The following PDK1 variants were observed in gnomAD, a reference collection of about 807,000 sequenced individuals.
PDK1 encodes the protein pyruvate dehydrogenase kinase 1.
In PDK1, 39 loss-of-function variants were observed where a neutral mutation model predicts 54.2. The observed-to-expected ratio is 0.72, with a 90% CI of 0.56 to 0.94. The LOEUF (loss-of-function observed/expected upper bound fraction) is 0.94, where lower values mean the gene tolerates loss of function less well. PDK1 is among the 40% of genes least tolerant of loss of function. The probability of loss-of-function intolerance (pLI) is 0.00; values close to 1 mark genes in which losing one functional copy is unlikely to be tolerated. For missense variants in PDK1, 552 were observed against 566.0 expected (o/e 0.98, Z 0.25); for synonymous variants, 221 against 207.1 (o/e 1.07, Z -0.58).
At chr2:172,585,402 T>C (rs1690168858) in intron 8 of PDK1, among the ~76,000 whole-genome samples, 1 of 144,356 alleles carries the variant, frequency 6.9e-6, no homozygotes, top group Non-Finnish European at 1.5e-5. Flanking sequence ...CTTGGCTCAC[T>C]GTGACCTCCA....
At chr2:172,641,003 TTTC>T in the PDK1 span, among the ~76,000 whole-genome samples, 1 of 20,508 alleles carries the variant, frequency 4.9e-5, no homozygotes, top group African/African-American at 6.1e-5. Flanking sequence ...TTCTTTTTCT[TTTC>T]TTTCTTTCTT....
the PDK1 span, among the ~76,000 whole-genome samples, chr2:172,640,458 G>A: frequency 1.3e-5 from 2 of 152,136 alleles, no homozygotes; most frequent in African/African-American, 2.4e-5. Flanking sequence ...AAGGCAAATG[G>A]CTACACAGAA....
chr2:172,595,029 C>T (rs867332599), intron 10 of PDK1, among the ~76,000 whole-genome samples: 1 of 152,140 alleles, frequency 6.6e-6, no homozygotes, highest in Non-Finnish European at 1.5e-5. Flanking sequence ...ATGCCTTAGA[C>T]ATAGATTTCT....
chr2:172,566,974 G>T, intron 6 of PDK1, 41 bp downstream of exon 6: 1 of 1,289,406 alleles, frequency 7.8e-7, no homozygotes, highest in South Asian at 1.2e-5. Flanking sequence ...TTAGTGCTTT[G>T]ATTACTTGAT....
chr2:172,718,271 G>T, the PDK1 span, among the ~76,000 whole-genome samples: 1 of 152,190 alleles, frequency 6.6e-6, no homozygotes, highest in Non-Finnish European at 1.5e-5. Context: ...AAATAATGAA[G>T]CTAGTGAAAT....
chr2:172,565,057 A>C lies in PDK1; in HGVS notation c.675A>C (p.Val225=). 1.3e-6 allele frequency: 2 copies of C among 1,583,806 alleles called. No individual in the cohort carries two copies. Among genetic ancestry groups the C allele is most frequent in the African/African-American group, 1.3e-5 (1 of 74,498 alleles). ...HIGSINPNCN[V]LEVIKDGYEN... The stretch of plus-strand genomic sequence containing the variant: ...GAAGCATAAATCCAAACTGCAATGT[A>C]CTTGAAGTTATTAAAGGTAAATACT... Residue 225 remains valine, a synonymous_variant, in exon 5 of 11, where the codon GTA becomes GTC. Transcript: ENST00000282077.
At chr2:172,563,248 C>T (rs1270475654) in intron 3 of PDK1, among the ~76,000 whole-genome samples, 2 of 151,974 alleles carry the variant, frequency 1.3e-5, no homozygotes, top group African/African-American at 4.8e-5. Flanking sequence ...AGTAGTCAAG[C>T]AGAATAATAC....
downstream of PDK1, among the ~76,000 whole-genome samples, chr2:172,613,414 CAA>C (rs914020563): frequency 2.6e-5 from 4 of 152,174 alleles, no homozygotes; most frequent in Admixed American, 2.6e-4. Flanking sequence ...CTGGAGAAGA[CAA>C]ATAGTAAAAT....
chr2:172,624,489 T>C, the PDK1 span, among the ~76,000 whole-genome samples: 2 of 152,070 alleles, frequency 1.3e-5, no homozygotes, highest in Admixed American at 6.6e-5. Flanking sequence ...TGCCTGATGA[T>C]CTGAGGTGGA....
chr2:172,696,188 A>AAT, the PDK1 span, among the ~76,000 whole-genome samples: 3 of 146,908 alleles, frequency 2.0e-5, no homozygotes. Flanking sequence ...AAAAAAAAAA[A>AAT]GAAAAAAAAA....
At chr2:172,561,331 T>TA (rs906495671) in intron 2 of PDK1, among the ~76,000 whole-genome samples, 3 of 152,222 alleles carry the variant, frequency 2.0e-5, no homozygotes, top group African/African-American at 7.2e-5. Flanking sequence ...CAGCAGCTGC[T>TA]ATCAGAATCC....
At chr2:172,697,331 C>T in the PDK1 span, among the ~76,000 whole-genome samples, 8 of 152,054 alleles carry the variant, frequency 5.3e-5, no homozygotes, top group South Asian at 2.1e-4. Flanking sequence ...ATAAATGGCA[C>T]GTTTAATTTT....
At chr2:172,659,782 C>G in the PDK1 span, among the ~76,000 whole-genome samples, 1 of 152,214 alleles carries the variant, frequency 6.6e-6, no homozygotes, top group Non-Finnish European at 1.5e-5. Flanking sequence ...CCAAACGTCT[C>G]CTACCCCAAG....
At chr2:172,664,311 C>A in the PDK1 span, among the ~76,000 whole-genome samples, 28 of 44,176 alleles carry the variant, frequency 6.3e-4, no homozygotes, top group South Asian at 2.0e-3. Context: ...AACTCTGCCT[C>A]AAAAAAAAAA....
the PDK1 span, among the ~76,000 whole-genome samples, chr2:172,621,838 A>G: frequency 8.4e-6 from 1 of 119,340 alleles, no homozygotes; most frequent in Non-Finnish European, 1.8e-5. Context: ...TTTATATCTC[A>G]TATGTATGAT....
chr2:172,634,262 ATATTATTAT>A, the PDK1 span, among the ~76,000 whole-genome samples: 4 of 139,462 alleles, frequency 2.9e-5, no homozygotes, highest in African/African-American at 5.3e-5. Context: ...AAATCTATTT[ATATTATTAT>A]TATTATTATT....
chr2:172,682,080 G>A, the PDK1 span, among the ~76,000 whole-genome samples: 2 of 152,194 alleles, frequency 1.3e-5, no homozygotes, highest in East Asian at 3.9e-4. Context: ...TTTTAAATGA[G>A]CAAGTCGATG....
the PDK1 span, among the ~76,000 whole-genome samples, chr2:172,642,314 G>T: frequency 1.3e-5 from 2 of 152,118 alleles, no homozygotes; most frequent in Non-Finnish European, 2.9e-5. Context: ...CTCTTGTGTG[G>T]GTACTTGGTG....
At chr2:172,715,230 C>T in the PDK1 span, among the ~76,000 whole-genome samples, 2 of 152,122 alleles carry the variant, frequency 1.3e-5, no homozygotes, top group East Asian at 1.9e-4. Flanking sequence ...TAGCAGGATT[C>T]CTGATGGGTG....
Sources: allele counts gnomAD v4.1 joint callset (sites outside exome capture counted in the v4.1 genomes callset), GRCh38; gene constraint gnomAD v4.1.1; transcripts MANE v1.5; gene names NCBI Gene and HGNC (gene_info 2026-07-23, HGNC 2026-07-21).